Variants in LZTFL1 observed in about 807,000 individuals in gnomAD.
LZTFL1 encodes the protein leucine zipper transcription factor like 1, also known as leucine zipper transcription factor-like protein 1.
In LZTFL1, 25 loss-of-function variants were observed where a neutral mutation model predicts 45.9. The observed-to-expected ratio is 0.54, with a 90% CI of 0.40 to 0.76. LZTFL1 has a LOEUF of 0.76. Ranked by LOEUF, LZTFL1 falls within the 30% of genes least tolerant of loss-of-function variation. The pLI, the probability that LZTFL1 is intolerant of heterozygous loss-of-function variation, is 0.00. For synonymous variants in LZTFL1, 93 were observed against 117.4 expected (o/e 0.79, Z 1.35); for missense variants, 277 against 331.1 (o/e 0.84, Z 1.27).
chr3:45,877,611 C>T (rs1701769991), intron 2 of LZTFL1, among the ~76,000 whole-genome samples: 1 of 151,954 alleles, frequency 6.6e-6, no homozygotes, highest in South Asian at 2.1e-4. Context: ...TTTGGTTTTT[C>T]TTTGGTAAAT....
rs1477992787 is a variant in LZTFL1, at chr3:45,823,595, T to C, written c.*2719A>G. 6.6e-6 allele frequency: 1 copy of C among 152,258 alleles called. No homozygotes were observed. Among genetic ancestry groups the C allele is most frequent in the Non-Finnish European group, 1.5e-5 (1 of 68,052 alleles). 9.4% of individuals were successfully genotyped at this position (152,258 alleles called of 1,614,324 possible). On this transcript the variant is annotated 3_prime_UTR_variant, in exon 10 of 10. Transcript: ENST00000296135. ...CAGAGGTCATTACCTTTAAGTATAA[T>C]ATTTCCCCTTTTTCCTAAGCAGTTT...
intron 2 of LZTFL1, chr3:45,897,421 G>A: frequency 1.5e-6 from 1 of 663,910 alleles, no homozygotes; most frequent in East Asian, 2.8e-5. Context: ...ATGCCCCCTG[G>A]GCTTCCAGCA....
intron 2 of LZTFL1, among the ~76,000 whole-genome samples, chr3:45,897,975 C>CAA (rs72284250): frequency 0.018 from 1,865 of 105,872 alleles, 38 homozygotes; most frequent in Non-Finnish European, 0.023. Context: ...GCTATTTGAC[C>CAA]AAAAAAAAAA....
rs534698885 is a variant in LZTFL1, at chr3:45,908,861, C to G, written c.-215+4259G>C. Among the ~76,000 whole-genome samples the G allele has an allele frequency of 6.6e-5, 10 of 152,312 alleles. No individual in the cohort carries two copies. The South Asian group carries it at 8.3e-4, about 13-fold the overall frequency. ...TCCCCAACCCCTGGGCCACAGACCACTACTGCTCTGTGGCCTGTTAGGAAC... is the reference window on the plus strand; with the variant it reads ...TCCCCAACCCCTGGGCCACAGACCAGTACTGCTCTGTGGCCTGTTAGGAAC... On this transcript the variant is annotated intron_variant, in intron 2 of 4. Transcript: ENST00000472635.
intron 2 of LZTFL1, among the ~76,000 whole-genome samples, chr3:45,912,743 G>A (rs181889859): frequency 3.3e-5 from 5 of 152,306 alleles, no homozygotes; most frequent in African/African-American, 4.8e-5. Flanking sequence ...GCCTCAATGC[G>A]TAGCTGACCA....
intron 2 of LZTFL1, among the ~76,000 whole-genome samples, chr3:45,892,066 T>A (rs1352173559): frequency 6.6e-6 from 1 of 152,058 alleles, no homozygotes; most frequent in Admixed American, 6.6e-5. Context: ...GGCTGTTTAG[T>A]GGAGAAAGAT....
rs531737175 is a variant in LZTFL1 at position 45,848,700 on chromosome 3, T to C, written c.-49+6286A>G. Among the ~76,000 whole-genome samples, 6 of 152,336 alleles carry C rather than the reference T, an allele frequency of 3.9e-5. No individual in the cohort carries two copies. In the South Asian group the frequency reaches 6.2e-4, roughly 16 times the overall value. ...ATTTAATACTGCATCTTTATGTTTG[T>C]TTACATTTCTCTCTGCTGTGAATGG... On this transcript the variant is annotated intron_variant, in intron 4 of 4. Transcript: ENST00000472635.
chr3:45,885,695 G>A (rs1199411159), intron 2 of LZTFL1, among the ~76,000 whole-genome samples: 3 of 152,182 alleles, frequency 2.0e-5, no homozygotes, highest in Non-Finnish European at 4.4e-5. Context: ...AATGTACCTG[G>A]CATGACTGAG....
In LZTFL1 at chr3:45,908,903, A is replaced by G. The variant is rs572783514; in HGVS notation, c.-215+4217T>C. Among the ~76,000 whole-genome samples, 153 of 152,310 alleles carry G rather than the reference A, an allele frequency of 1.0e-3. 1 individual carries two copies. Among genetic ancestry groups the G allele is most frequent in the Middle Eastern group, 3.4e-3 (1 of 294 alleles). ...GTTAGGAACCAGGCTGCACAGGAGG[A>G]GGTGAGTGGCAGGCAAGTGAGTGAA... is the stretch of plus-strand genomic sequence containing the variant. On this transcript the variant is annotated intron_variant, in intron 2 of 4. Transcript: ENST00000472635.
chr3:45,836,423 G>C (rs1700967399), intron 2 of LZTFL1, among the ~76,000 whole-genome samples: 2 of 152,192 alleles, frequency 1.3e-5, no homozygotes, highest in Admixed American at 6.5e-5. Context: ...GGGAGGCAGA[G>C]GCAGGTGGAT....
chr3:45,861,866 C>G (rs1468801373), intron 2 of LZTFL1, among the ~76,000 whole-genome samples: 1 of 152,146 alleles, frequency 6.6e-6, no homozygotes, highest in African/African-American at 2.4e-5. Context: ...CTGTGAGGGC[C>G]GTTTATATCA....
intron 7 of LZTFL1, 36 bp from the exon 8 acceptor site, chr3:45,828,651 T>A: frequency 6.7e-7 from 1 of 1,502,640 alleles, no homozygotes; most frequent in Non-Finnish European, 9.2e-7. Context: ...AATTTCATGT[T>A]GATATTCTAA....
At chr3:45,888,701 T>C (rs76878061) in intron 2 of LZTFL1, among the ~76,000 whole-genome samples, 53 of 152,296 alleles carry the variant, frequency 3.5e-4, no homozygotes, top group African/African-American at 1.2e-3. Context: ...TTCCCCCCTA[T>C]ATTTTTCCCG....
chr3:45,883,821 T>G (rs921829153), intron 2 of LZTFL1: 29 of 516,582 alleles, frequency 5.6e-5, no homozygotes, highest in Admixed American at 1.8e-4. Flanking sequence ...AGAGTGAGAG[T>G]TGCAGCCACG....
At chr3:45,842,203 T>G, upstream of LZTFL1, 5 of 1,432,070 alleles carry the variant, frequency 3.5e-6, no homozygotes, top group Non-Finnish European at 4.6e-6. Context: ...AAGTATTGCG[T>G]AACCGGTTGA....
At chr3:45,897,039 TC>T (rs1702377914) in intron 2 of LZTFL1, among the ~76,000 whole-genome samples, 2 of 152,200 alleles carry the variant, frequency 1.3e-5, no homozygotes, top group East Asian at 3.9e-4. Context: ...AGCCCAGGAC[TC>T]CTGAGGGAAG....
At chr3:45,903,025 C>T (rs575855229) in intron 2 of LZTFL1, 5 of 167,000 alleles carry the variant, frequency 3.0e-5, no homozygotes, top group African/African-American at 1.2e-4. Context: ...TCTTTCTTAT[C>T]ATGATTTGGC....
intron 2 of LZTFL1, among the ~76,000 whole-genome samples, chr3:45,880,642 C>T (rs1701840325): frequency 6.6e-6 from 1 of 152,220 alleles, no homozygotes; most frequent in Non-Finnish European, 1.5e-5. Context: ...CTGGCCGCCC[C>T]TCACTGCAAG....
intron 3 of LZTFL1, chr3:45,855,120 A>G (rs1357251335): frequency 8.3e-7 from 1 of 1,199,404 alleles, no homozygotes; most frequent in Non-Finnish European, 1.2e-6. Flanking sequence ...TGTATCTTAA[A>G]AACATCAAAG....
Sources: gnomAD v4.1 joint callset for allele counts (sites outside exome capture counted in the v4.1 genomes callset) on GRCh38, gnomAD v4.1.1 for gene constraint, MANE v1.5 for transcripts, NCBI Gene and HGNC (gene_info 2026-07-23, HGNC 2026-07-21) for gene names.